DAPK1: variants seen among roughly 807,000 people sequenced by gnomAD.
DAPK1 encodes death-associated protein kinase 1.
A neutral mutation model predicts 144.9 loss-of-function variants in DAPK1; 56 were observed. That is an observed-to-expected ratio of 0.39 (90% confidence interval 0.31 to 0.48). The LOEUF (loss-of-function observed/expected upper bound fraction) is 0.48. Among genes scored for constraint, DAPK1 ranks in the 20% least tolerant of loss-of-function variants. The pLI is 0.95. For synonymous variants in DAPK1, 690 were observed against 749.0 expected, an observed-to-expected ratio of 0.92 and a Z score of 1.29; for missense variants, 1,454 against 1,875.4, an observed-to-expected ratio of 0.78 and a Z score of 4.15.
At chr9:87,560,307 C>T (rs893002594) in intron 2 of DAPK1, among the ~76,000 whole-genome samples, 3 of 152,122 alleles carry the variant, frequency 2.0e-5, no homozygotes, top group Non-Finnish European at 2.9e-5. Context: ...GCCCTTGGAA[C>T]TTTAAAATTT....
chr9:87,500,011 T>G (rs1029723308), intron 2 of DAPK1, among the ~76,000 whole-genome samples: 1 of 152,208 alleles, frequency 6.6e-6, no homozygotes, highest in African/African-American at 2.4e-5. Context: ...CAAAAGGATC[T>G]TTAAACAAAC....
chr9:87,679,393 C>T (rs941159171), intron 19 of DAPK1, among the ~76,000 whole-genome samples: 2 of 152,054 alleles, frequency 1.3e-5, no homozygotes, highest in Admixed American at 6.5e-5. Flanking sequence ...CTTCAGGCTG[C>T]ACCTCACGGC....
chr9:87,557,837 A>T (rs1826773935), intron 2 of DAPK1, among the ~76,000 whole-genome samples: 1 of 152,166 alleles, frequency 6.6e-6, no homozygotes, highest in Non-Finnish European at 1.5e-5. Flanking sequence ...GCTACTTGAG[A>T]GGCTGAGGCT....
intron 2 of DAPK1, among the ~76,000 whole-genome samples, chr9:87,520,356 G>A (rs1825248929): frequency 6.6e-6 from 1 of 152,134 alleles, no homozygotes; most frequent in African/African-American, 2.4e-5. Flanking sequence ...GAACTGCTGG[G>A]GTGTGAGGCT....
intron 17 of DAPK1, 189 bp from the exon 18 acceptor site, chr9:87,657,840 T>C: frequency 1.7e-6 from 1 of 594,314 alleles, no homozygotes; most frequent in Non-Finnish European, 3.0e-6. Flanking sequence ...CTCTTTTAAT[T>C]GCAAAGTACT....
At position 87,642,022 on chromosome 9, in the gene DAPK1, G is replaced by A; in HGVS notation, c.882G>A (p.Glu294=). 6.2e-7 allele frequency: 1 copy of A among 1,614,106 alleles called. No individual in the cohort carries two copies. Among genetic ancestry groups the A allele is most frequent in the Non-Finnish European group, 8.5e-7 (1 of 1,179,994 alleles). ...LSRKASAVNM[E]KFKKFAARKK... is the part of the protein sequence containing the mutation. ...GAAAAGCATCAGCAGTAAACATGGA[G>A]AAATTCAAGAAGTTTGCAGCCCGGA... The change falls in exon 10 of 26, where the codon GAG becomes GAA. Residue 294 remains glutamate, a synonymous_variant. Transcript: ENST00000408954.
intron 3 of DAPK1, among the ~76,000 whole-genome samples, chr9:87,618,141 T>A (rs1829165945): frequency 6.6e-6 from 1 of 152,192 alleles, no homozygotes. Flanking sequence ...AACAGCTGCT[T>A]CTCTTGCTGA....
In DAPK1 at chr9:87,648,469, A is replaced by G. The variant is rs1388133268; in HGVS notation, c.1330-312A>G. The stretch of plus-strand genomic sequence containing the variant: ...AGAGAGTGTTGTGTTTAAAGAGAAA[A>G]TCACACAGCTAGAAGTATCAGCACA... On this transcript the variant is annotated intron_variant, in intron 14 of 25. Coordinates refer to ENST00000408954, the MANE Select transcript of DAPK1 (RefSeq NM_004938.4). The G allele has an allele frequency of 6.6e-5, 19 of 288,710 alleles. No individual in the cohort carries two copies. In the East Asian group the frequency reaches 1.1e-3, roughly 17 times the overall value. The allele number at this position is 288,710 out of a possible 1,614,324, so 17.9% of individuals were successfully genotyped here.
intron 2 of DAPK1, among the ~76,000 whole-genome samples, chr9:87,512,193 G>C (rs1392340849): frequency 6.6e-6 from 1 of 152,192 alleles, no homozygotes; most frequent in African/African-American, 2.4e-5. Flanking sequence ...GCATAGCTGG[G>C]ACTATAGGCA....
At chr9:87,616,365 G>C (rs1247620061) in intron 3 of DAPK1, among the ~76,000 whole-genome samples, 3 of 152,200 alleles carry the variant, frequency 2.0e-5, no homozygotes, top group Non-Finnish European at 4.4e-5. Context: ...CCAATACATG[G>C]ATGTCAAGTC....
chr9:87,669,042 T>C (rs1338331994), intron 19 of DAPK1: 1 of 200,884 alleles, frequency 5.0e-6, no homozygotes, highest in East Asian at 1.3e-4. Flanking sequence ...TTATCAAACA[T>C]TGTTGCTCTG....
chr9:87,668,972 C>T (rs540722005), intron 19 of DAPK1: 32 of 282,116 alleles, frequency 1.1e-4, no homozygotes, highest in African/African-American at 1.7e-4. Flanking sequence ...GGGATGAGGA[C>T]GCTGACTCTG....
intron 14 of DAPK1, chr9:87,648,502 G>A: frequency 2.6e-6 from 1 of 384,554 alleles, no homozygotes; most frequent in Non-Finnish European, 4.7e-6. Flanking sequence ...ACATAAAGAA[G>A]ACTGAGAACA....
intron 12 of DAPK1, 109 bp downstream of exon 12, chr9:87,646,123 G>C: frequency 1.5e-6 from 2 of 1,336,212 alleles, no homozygotes; most frequent in Non-Finnish European, 2.0e-6. Context: ...CCAATTGGAA[G>C]CTCCATACTG....
intron 2 of DAPK1, among the ~76,000 whole-genome samples, chr9:87,504,310 A>G (rs1425675625): frequency 6.6e-6 from 1 of 152,210 alleles, no homozygotes; most frequent in African/African-American, 2.4e-5. Context: ...CATTTTAGGA[A>G]GGTCTAATAA....
chr9:87,502,050 G>C (rs975535644), intron 2 of DAPK1, among the ~76,000 whole-genome samples: 26 of 152,144 alleles, frequency 1.7e-4, no homozygotes, highest in African/African-American at 6.0e-4. Flanking sequence ...GATATTATCT[G>C]TAGACTGGCT....
intron 19 of DAPK1, among the ~76,000 whole-genome samples, chr9:87,677,945 G>C (rs545547582): frequency 4.4e-4 from 67 of 152,184 alleles, no homozygotes; most frequent in Non-Finnish European, 7.9e-4. Flanking sequence ...ATTCCTTCCA[G>C]CCTGACAGGT....
rs534328317 is a variant in DAPK1 at position 87,648,454 on chromosome 9, G to T, written c.1330-327G>T. ...AACCCAATAGTAAAAAGAGAGTGTT[G>T]TGTTTAAAGAGAAAATCACACAGCT... On this transcript the variant is annotated intron_variant, in intron 14 of 25. Transcript: ENST00000408954. 1.6e-5 allele frequency: 4 copies of T among 254,082 alleles called. No individual in the cohort carries two copies. The East Asian group carries it at 2.2e-4, about 14-fold the overall frequency. 15.7% of individuals were successfully genotyped at this position (254,082 alleles called of 1,614,324 possible).
intron 2 of DAPK1, among the ~76,000 whole-genome samples, chr9:87,589,249 A>G (rs1828044009): frequency 6.6e-6 from 1 of 152,018 alleles, no homozygotes; most frequent in Admixed American, 6.6e-5. Context: ...CTTAGAGACC[A>G]TAGTCCAGCC....
Sources: gnomAD v4.1 joint callset for allele counts (sites outside exome capture counted in the v4.1 genomes callset) on GRCh38, gnomAD v4.1.1 for gene constraint, MANE v1.5 for transcripts, NCBI Gene and HGNC (gene_info 2026-07-23, HGNC 2026-07-21) for gene names.